The following MTUS2 variants were observed in gnomAD, a reference collection of about 807,000 sequenced individuals.
MTUS2 encodes microtubule associated scaffold protein 2.
Under a neutral mutation model 114.1 loss-of-function variants are expected in MTUS2, and 40 were observed. The observed-to-expected ratio is 0.35, with a 90% CI of 0.27 to 0.46. The LOEUF (loss-of-function observed/expected upper bound fraction) is 0.46. MTUS2 is among the 20% of genes least tolerant of loss of function. The pLI is 1.00. For missense variants in MTUS2, 1,679 were observed against 1,705.4 expected (o/e 0.98, Z 0.27); for synonymous variants, 688 against 672.0 (o/e 1.02, Z -0.37).
chr13:28,825,066 C>T (rs917926147), intron 1 of MTUS2, among the ~76,000 whole-genome samples: 1 of 152,184 alleles, frequency 6.6e-6, no homozygotes, highest in African/African-American at 2.4e-5. Context: ...ATCTCATGCT[C>T]ATGGCCAGCT....
chr13:29,246,584 C>T (rs905023191), intron 5 of MTUS2, among the ~76,000 whole-genome samples: 11 of 152,162 alleles, frequency 7.2e-5, no homozygotes, highest in African/African-American at 2.7e-4. Flanking sequence ...TCAAACAGCA[C>T]CTTGCTATGG....
intron 2 of MTUS2, among the ~76,000 whole-genome samples, chr13:28,940,078 G>A (rs942607705): frequency 2.6e-5 from 4 of 152,124 alleles, no homozygotes; most frequent in South Asian, 2.1e-4. Context: ...TGGGAATTAC[G>A]GGAGCTACAG....
At chr13:29,329,960 T>A (rs774903539) in intron 7 of MTUS2, among the ~76,000 whole-genome samples, 1 of 152,162 alleles carries the variant, frequency 6.6e-6, no homozygotes, top group Non-Finnish European at 1.5e-5. Flanking sequence ...TGGGTATATA[T>A]CCAGTAATGG....
intron 5 of MTUS2, among the ~76,000 whole-genome samples, chr13:29,102,510 G>C (rs1890464154): frequency 6.6e-6 from 1 of 152,176 alleles, no homozygotes; most frequent in South Asian, 2.1e-4. Context: ...ATACTAGAGA[G>C]GGACCCCTGA....
intron 9 of MTUS2, among the ~76,000 whole-genome samples, chr13:29,465,584 T>C (rs1407910183): frequency 6.6e-6 from 1 of 152,188 alleles, no homozygotes; most frequent in Non-Finnish European, 1.5e-5. Flanking sequence ...CCAGCCCTGT[T>C]TCCTGCCCTG....
intron 5 of MTUS2, among the ~76,000 whole-genome samples, chr13:29,213,985 C>A (rs1242441846): frequency 6.6e-6 from 1 of 150,522 alleles, no homozygotes; most frequent in Non-Finnish European, 1.5e-5. Context: ...TTTTTGTGTT[C>A]TCAGTGGTTG....
chr13:29,429,336 G>A (rs1315034228), intron 8 of MTUS2, among the ~76,000 whole-genome samples: 1 of 152,198 alleles, frequency 6.6e-6, no homozygotes, highest in Non-Finnish European at 1.5e-5. Flanking sequence ...TTTCAAAACA[G>A]CACTCATTCT....
intron 9 of MTUS2, among the ~76,000 whole-genome samples, chr13:29,471,110 A>G (rs1880254358): frequency 6.6e-6 from 1 of 152,106 alleles, no homozygotes; most frequent in African/African-American, 2.4e-5. Context: ...TGGGAGGCTG[A>G]GGCGGGCAGC....
intron 6 of MTUS2, among the ~76,000 whole-genome samples, chr13:29,308,648 A>G (rs1357118479): frequency 3.3e-5 from 5 of 152,222 alleles, no homozygotes; most frequent in Non-Finnish European, 7.3e-5. Flanking sequence ...TTTGCAATCT[A>G]TCCATCTGAC....
chr13:28,930,089 T>C (rs371890579), intron 2 of MTUS2, among the ~76,000 whole-genome samples: 1 of 152,102 alleles, frequency 6.6e-6, no homozygotes, highest in African/African-American at 2.4e-5. Context: ...CTCTTTTTTA[T>C]GTGATAACTT....
chr13:29,274,178 G>C (rs569488394), intron 5 of MTUS2, among the ~76,000 whole-genome samples: 29 of 151,752 alleles, frequency 1.9e-4, no homozygotes, highest in Non-Finnish European at 3.4e-4. Flanking sequence ...CAGTGTTGTG[G>C]TCTCGGCTTG....
intron 8 of MTUS2, among the ~76,000 whole-genome samples, chr13:29,366,361 C>T (rs1870711293): frequency 6.6e-6 from 1 of 152,124 alleles, no homozygotes; most frequent in South Asian, 2.1e-4. Flanking sequence ...GGGAAAGACC[C>T]ACCCCCATGA....
At chr13:28,949,506 A>T (rs1882704728) in intron 2 of MTUS2, among the ~76,000 whole-genome samples, 1 of 152,250 alleles carries the variant, frequency 6.6e-6, no homozygotes, top group African/African-American at 2.4e-5. Flanking sequence ...AACAATTTTT[A>T]ACTGTATAGT....
At chr13:29,216,011 G>T (rs1229960900) in intron 5 of MTUS2, among the ~76,000 whole-genome samples, 1 of 152,180 alleles carries the variant, frequency 6.6e-6, no homozygotes, top group Non-Finnish European at 1.5e-5. Context: ...CTGTCCCAGG[G>T]AGATCGGAGT....
At chr13:28,896,514 C>A (rs2137937577) in intron 2 of MTUS2, among the ~76,000 whole-genome samples, 1 of 152,318 alleles carries the variant, frequency 6.6e-6, no homozygotes, top group East Asian at 1.9e-4. Flanking sequence ...CCCCATCAAG[C>A]TACCAATGAC....
chr13:29,376,039 A>ATG (rs71090249), intron 8 of MTUS2, among the ~76,000 whole-genome samples: 1,956 of 126,540 alleles, frequency 0.015, 49 homozygotes, highest in African/African-American at 0.051. Flanking sequence ...ATATATATAT[A>ATG]TGTGTGTGTG....
At position 29,204,450 on chromosome 13, in the gene MTUS2, C is replaced by T. The variant is rs77243996; in HGVS notation, c.2645-77254C>T. On this transcript the variant is annotated intron_variant, in intron 5 of 15. Transcript: ENST00000612955. ...AGTCCCACCCAGTGATGCTCAGGAGCGGTGGCCTGTTTGGAAAGCACCTCC... is the reference window on the plus strand; with the variant it reads ...AGTCCCACCCAGTGATGCTCAGGAGTGGTGGCCTGTTTGGAAAGCACCTCC... 1.0e-3 allele frequency among the ~76,000 whole-genome samples: 159 copies of T among 152,320 alleles called. 2 individuals are homozygous for T. In the East Asian group the frequency reaches 0.024, roughly 23 times the overall value.
At chr13:28,972,428 C>G (rs1883899212) in intron 2 of MTUS2, among the ~76,000 whole-genome samples, 4 of 152,200 alleles carry the variant, frequency 2.6e-5, no homozygotes, top group Non-Finnish European at 5.9e-5. Context: ...TAAAATCATG[C>G]CTGCTCAGCA....
At chr13:28,844,694 G>A (rs1485587270) in intron 2 of MTUS2, among the ~76,000 whole-genome samples, 1 of 152,096 alleles carries the variant, frequency 6.6e-6, no homozygotes, top group Non-Finnish European at 1.5e-5. Context: ...TAGGCTCACT[G>A]CAACCTCCGC....
Sources: gnomAD v4.1 joint callset for allele counts (sites outside exome capture counted in the v4.1 genomes callset) on GRCh38, gnomAD v4.1.1 for gene constraint, MANE v1.5 for transcripts, NCBI Gene and HGNC (gene_info 2026-07-23, HGNC 2026-07-21) for gene names.